The following GREB1 variants were observed in gnomAD, a reference collection of about 807,000 sequenced individuals.
The protein encoded by GREB1 is protein GREB1.
GREB1 carries 106 observed loss-of-function variants against 200.7 expected under a neutral mutation model. That is an observed-to-expected ratio of 0.53 (90% CI 0.45 to 0.62). GREB1 has a LOEUF of 0.62. GREB1 is among the 20% of genes least tolerant of loss of function. GREB1 has a pLI of 0.00. For missense variants in GREB1, 2,243 were observed against 2,556.8 expected (o/e 0.88, Z 2.65); for synonymous variants, 1,132 against 1,092.4 (o/e 1.04, Z -0.72).
At chr2:11,581,208 T>C (rs1679443229) in intron 7 of GREB1, 7 of 567,418 alleles carry the variant, frequency 1.2e-5, no homozygotes, top group Non-Finnish European at 2.2e-5. Context: ...AACCTACCGC[T>C]GTCTCTTGTT....
intron 32 of GREB1, among the ~76,000 whole-genome samples, chr2:11,639,435 G>A (rs554301215): frequency 5.8e-4 from 89 of 152,262 alleles, no homozygotes; most frequent in African/African-American, 2.0e-3. Flanking sequence ...TGTCCCAGTC[G>A]TTGCTGACAC....
At chr2:11,626,941 A>G in intron 24 of GREB1, 21 bp from the exon 25 acceptor site, 1 of 1,613,946 alleles carries the variant, frequency 6.2e-7, no homozygotes, top group Non-Finnish European at 8.5e-7. Flanking sequence ...CTGCTTTTTA[A>G]TCCTGGGGAA....
At chr2:11,520,028 C>T (rs948600052) in intron 1 of GREB1, among the ~76,000 whole-genome samples, 28 of 152,034 alleles carry the variant, frequency 1.8e-4, no homozygotes, top group Admixed American at 6.6e-4. Flanking sequence ...GTCCCAGCTA[C>T]GCAAGAGGCT....
chr2:11,559,135 A>G (rs988530681), intron 2 of GREB1, among the ~76,000 whole-genome samples: 1 of 152,228 alleles, frequency 6.6e-6, no homozygotes, highest in Non-Finnish European at 1.5e-5. Flanking sequence ...CAACATTAAA[A>G]GCAGTAGCCT....
intron 21 of GREB1, among the ~76,000 whole-genome samples, chr2:11,617,796 GA>G (rs1176791510): frequency 6.6e-6 from 1 of 152,178 alleles, no homozygotes; most frequent in African/African-American, 2.4e-5. Context: ...CTGGGACGGG[GA>G]AAGGTCAGAG....
In GREB1 at chr2:11,563,930, A is replaced by G. The variant is rs114662671; in HGVS notation, c.277+1348A>G. Among the ~76,000 whole-genome samples the G allele has an allele frequency of 5.5e-3, 837 of 152,286 alleles. 5 individuals carry two copies. The highest frequency in any genetic ancestry group is 0.019 in the African/African-American group (772 of 41,550). ...CACAGTTGGGAGCAAGCAGGGGTGC[A>G]TGGAGCAGAGGAGGGGCTCTAACGC... On this transcript the variant is annotated intron_variant, in intron 3 of 32. Transcript: ENST00000381486.
At chr2:11,521,409 C>A (rs1406802359) in intron 1 of GREB1, among the ~76,000 whole-genome samples, 2 of 152,116 alleles carry the variant, frequency 1.3e-5, no homozygotes, top group Non-Finnish European at 2.9e-5. Context: ...TGTGCCCGGC[C>A]TAGTCTCTTT....
intron 1 of GREB1, among the ~76,000 whole-genome samples, chr2:11,555,539 C>T (rs1476288351): frequency 2.0e-5 from 3 of 152,174 alleles, no homozygotes; most frequent in Non-Finnish European, 2.9e-5. Context: ...AACAATACAT[C>T]AAAATACGTG....
intron 30 of GREB1, 115 bp downstream of exon 30, chr2:11,635,520 A>G: frequency 8.1e-7 from 1 of 1,227,160 alleles, no homozygotes; most frequent in Non-Finnish European, 1.1e-6. Context: ...CGCATGGGGC[A>G]GGGCCCTACT....
At chr2:11,594,137 A>G (rs1275028546) in intron 11 of GREB1, among the ~76,000 whole-genome samples, 1 of 152,012 alleles carries the variant, frequency 6.6e-6, no homozygotes, top group Non-Finnish European at 1.5e-5. Context: ...CATCCGGAGT[A>G]GCTGGAACTA....
intron 1 of GREB1, among the ~76,000 whole-genome samples, chr2:11,514,932 T>C (rs947203393): frequency 8.5e-5 from 13 of 152,278 alleles, no homozygotes; most frequent in East Asian, 5.8e-4. Flanking sequence ...TCCACACATG[T>C]ATCCATCTTC....
In GREB1 at chr2:11,633,406, C is replaced by CA. The variant is rs1341304577; in HGVS notation, c.4991+350dup. 2.0e-5 allele frequency among the ~76,000 whole-genome samples: 3 copies of CA among 151,596 alleles called. No homozygotes were observed. The highest frequency in any genetic ancestry group is 7.3e-5 in the African/African-American group (3 of 41,262). On this transcript the variant is annotated intron_variant, in intron 28 of 32. Coordinates refer to ENST00000381486, the MANE Select transcript of GREB1 (RefSeq NM_014668.4). The surrounding 1 kb of genome is among the most constrained non-coding windows in gnomAD (Gnocchi z 4.1). ...TGAAACCCTGTCTCTACTAAAAATA[C>CA]AAAAAAATTTAGCTGGGCGTGGTGG...
At chr2:11,558,483 C>T (rs1031288976) in intron 2 of GREB1, among the ~76,000 whole-genome samples, 27 of 152,168 alleles carry the variant, frequency 1.8e-4, no homozygotes, top group African/African-American at 6.5e-4. Flanking sequence ...AGCTGTCAGC[C>T]GGCTTGTCCA....
intron 7 of GREB1, 190 bp downstream of exon 7, chr2:11,581,022 G>A (rs1051166941): frequency 1.4e-6 from 1 of 733,896 alleles, no homozygotes; most frequent in Admixed American, 2.0e-5. Flanking sequence ...GGTGCTCTAT[G>A]AGTGACACTT....
rs568431255 is a variant in GREB1, at chr2:11,602,229, T to C, written c.2530-177T>C. Among the ~76,000 whole-genome samples, 25 of 152,240 alleles carry C rather than the reference T, an allele frequency of 1.6e-4. No homozygotes were observed. The South Asian group carries it at 5.2e-3, about 32-fold the overall frequency. ...CACACCATTTTTAAAGTATGGGAGG[T>C]ACTTTGCTCTGCTTCTGCAGATGGA... On this transcript the variant is annotated intron_variant, in intron 16 of 32. Transcript: ENST00000381486.
chr2:11,572,766 CATAGTGCTCCTACAAGGTGGGT>C (rs976603692), intron 4 of GREB1, among the ~76,000 whole-genome samples: 2 of 151,756 alleles, frequency 1.3e-5, no homozygotes, highest in Non-Finnish European at 2.9e-5. Context: ...ACTTAACCCG[CATAGTGCTCCTACAAGGTGGGT>C]TTTTGGGAGG....
chr2:11,587,635 A>G lies in GREB1; in HGVS notation c.1160-1111A>G, dbSNP rs550672014. On this transcript the variant is annotated intron_variant, in intron 9 of 32. Transcript: ENST00000381486. ...CCAGCAGGACATCTGCATATAACAC[A>G]CAGCCGAAGTCAGAAAATATATTTT... 1.1e-5 allele frequency: 15 copies of G among 1,421,314 alleles called. No homozygotes were observed. The East Asian group carries it at 3.1e-4, about 29-fold the overall frequency. The allele number at this position is 1,421,314 out of a possible 1,614,324, so 88.0% of individuals were successfully genotyped here.
Position 11,576,478 on chromosome 2 carries a change from G to T in GREB1, c.580G>T (p.Val194Phe). 2 of 1,613,998 alleles carry T rather than the reference G, an allele frequency of 1.2e-6. No homozygotes were observed. The highest frequency in any genetic ancestry group is 1.7e-6 in the Non-Finnish European group (2 of 1,179,854). The change falls in exon 5 of 33, where the codon GTC becomes TTC. Residue 194 changes from valine to phenylalanine, a missense_variant. Physicochemically the swap from Val to Phe is conservative, Grantham distance 50 (BLOSUM62 -1). Around this residue, in one of 3 missense-constraint regions of GREB1, gnomAD observed 1,178 missense variants for 1,387.4 expected, o/e 0.85. Transcript: ENST00000381486. Reference protein sequence around the residue: ...KKQKHLKYYLVRNAQGTLTKG... With the variant: ...KKQKHLKYYLFRNAQGTLTKG... Reference sequence around the variant, plus strand: ...GCAGAAACACTTGAAGTATTACCTGGTCCGTAATGCACAAGGGACTCTAAC... The same window carrying T: ...GCAGAAACACTTGAAGTATTACCTGTTCCGTAATGCACAAGGGACTCTAAC...
At chr2:11,505,496 C>G (rs1447965226) in intron 1 of GREB1, among the ~76,000 whole-genome samples, 1 of 152,080 alleles carries the variant, frequency 6.6e-6, no homozygotes, top group African/African-American at 2.4e-5. Flanking sequence ...TGTCCCACAT[C>G]CTCAGGGATG....
Sources: gnomAD v4.1 joint callset for allele counts (sites outside exome capture counted in the v4.1 genomes callset) on GRCh38, gnomAD v4.1.1 for gene constraint, gnomAD v4.1.1 regional missense constraint, Gnocchi (gnomAD v3.1) non-coding constraint, MANE v1.5 for transcripts, NCBI Gene and HGNC (gene_info 2026-07-23, HGNC 2026-07-21) for gene names.